Variants in TRABD2B observed in about 807,000 individuals in gnomAD.
TRABD2B encodes the protein metalloprotease TIKI2.
Under a neutral mutation model 40.1 loss-of-function variants are expected in TRABD2B, and 14 were observed. The observed-to-expected ratio is 0.35, with a 90% CI of 0.23 to 0.55. The LOEUF (loss-of-function observed/expected upper bound fraction) is 0.55. Ranked by LOEUF, TRABD2B falls within the 20% of genes least tolerant of loss-of-function variation. The pLI, the probability that TRABD2B is intolerant of heterozygous loss-of-function variation, is 0.90. For synonymous variants in TRABD2B, 263 were observed against 277.0 expected (o/e 0.95, Z 0.50); for missense variants, 541 against 648.6 (o/e 0.83, Z 1.80).
chr1:47,774,556 A>T (rs1233187452), intron 6 of TRABD2B, among the ~76,000 whole-genome samples: 1 of 152,208 alleles, frequency 6.6e-6, no homozygotes, highest in Non-Finnish European at 1.5e-5. Context: ...GGTGGGTGGT[A>T]GAGGTGGCAG....
chr1:47,776,505 C>T (rs1010286969), intron 5 of TRABD2B, among the ~76,000 whole-genome samples: 8 of 152,204 alleles, frequency 5.3e-5, no homozygotes, highest in Non-Finnish European at 1.2e-4. Flanking sequence ...CAGGCAGGCG[C>T]TAAAGTGTCA....
chr1:47,927,231 G>A (rs1421309065), intron 2 of TRABD2B, among the ~76,000 whole-genome samples: 1 of 152,240 alleles, frequency 6.6e-6, no homozygotes, highest in East Asian at 1.9e-4. Flanking sequence ...GGCTGGGTGT[G>A]CTGAGACCAC....
chr1:47,866,441 TTTCA>T (rs1644059248), intron 2 of TRABD2B, among the ~76,000 whole-genome samples: 1 of 152,152 alleles, frequency 6.6e-6, no homozygotes, highest in Non-Finnish European at 1.5e-5. Flanking sequence ...CCCTACCCTT[TTTCA>T]GAGGGTCACT....
intron 2 of TRABD2B, among the ~76,000 whole-genome samples, chr1:47,827,965 AG>A (rs1400872667): frequency 1.3e-5 from 2 of 152,166 alleles, no homozygotes; most frequent in Non-Finnish European, 2.9e-5. Flanking sequence ...AGGGGCATAA[AG>A]GGGTGGGAGT....
chr1:47,881,188 G>A (rs1644298645), intron 2 of TRABD2B, among the ~76,000 whole-genome samples: 1 of 152,192 alleles, frequency 6.6e-6, no homozygotes, highest in South Asian at 2.1e-4. Flanking sequence ...GGTGGTGGTG[G>A]TGGTGGGCCC....
chr1:47,894,087 G>T (rs1479933097), intron 2 of TRABD2B, among the ~76,000 whole-genome samples: 3 of 151,972 alleles, frequency 2.0e-5, no homozygotes, highest in Non-Finnish European at 4.4e-5. Flanking sequence ...CTATTATTGA[G>T]GGCTCGGCGC....
intron 2 of TRABD2B, among the ~76,000 whole-genome samples, chr1:47,899,110 A>G (rs4926671): frequency 0.023 from 3,561 of 152,314 alleles, 107 homozygotes; most frequent in Admixed American, 0.09. Context: ...CTCATCTTAC[A>G]TATCTTTCTG....
chr1:47,936,335 G>A (rs1645106282), intron 2 of TRABD2B, among the ~76,000 whole-genome samples: 1 of 152,188 alleles, frequency 6.6e-6, no homozygotes, highest in Non-Finnish European at 1.5e-5. Context: ...GGAAAGAGAT[G>A]GGTAAAATCT....
intron 2 of TRABD2B, among the ~76,000 whole-genome samples, chr1:47,989,307 G>A (rs183454715): frequency 1.4e-4 from 22 of 152,336 alleles, no homozygotes; most frequent in African/African-American, 5.3e-4. Flanking sequence ...GCTCCTTGCT[G>A]TGATTTATAC....
intron 2 of TRABD2B, among the ~76,000 whole-genome samples, chr1:47,908,148 CAGGAAGTTTCTGAAGAGTA>C (rs1432954432): frequency 6.6e-6 from 1 of 152,086 alleles, no homozygotes; most frequent in Non-Finnish European, 1.5e-5. Flanking sequence ...GAACTGAATA[CAGGAAGTTTCTGAAGAGTA>C]TGTATAATAA....
Position 47,985,910 on chromosome 1 carries a change from T to C in TRABD2B, c.666+8124A>G, listed in dbSNP as rs1273216351. 3.9e-5 allele frequency among the ~76,000 whole-genome samples: 6 copies of C among 152,176 alleles called. No homozygotes were observed. In the East Asian group the frequency reaches 9.7e-4, roughly 25 times the overall value. The stretch of plus-strand genomic sequence containing the variant: ...TAAGAGTTAGCCAGAAAATAAAAAC[T>C]GGGAAGGGGCTCCCAGGTAGAGGGA... On this transcript the variant is annotated intron_variant, in intron 2 of 6. Coordinates refer to ENST00000606738, the MANE Select transcript of TRABD2B (RefSeq NM_001194986.2).
intron 2 of TRABD2B, among the ~76,000 whole-genome samples, chr1:47,852,872 ATT>A (rs1226414928): frequency 3.9e-5 from 6 of 152,108 alleles, no homozygotes; most frequent in Non-Finnish European, 8.8e-5. Flanking sequence ...GTATATATAT[ATT>A]TTTGGTCATC....
chr1:47,832,106 G>A (rs768490687), intron 2 of TRABD2B, among the ~76,000 whole-genome samples: 4 of 152,172 alleles, frequency 2.6e-5, no homozygotes, highest in Admixed American at 6.5e-5. Flanking sequence ...GCCAAGGCGC[G>A]CGGATCACGA....
intron 2 of TRABD2B, among the ~76,000 whole-genome samples, chr1:47,889,025 G>A (rs1315193860): frequency 6.6e-6 from 1 of 152,208 alleles, no homozygotes; most frequent in African/African-American, 2.4e-5. Context: ...ACTCTCTGGA[G>A]TAATTTGTAT....
rs1330856468 is a variant in TRABD2B, at chr1:47,765,940, C to T, written c.1516G>A (p.Ala506Thr). The T allele has an allele frequency of 1.4e-5, 10 of 702,944 alleles. No individual in the cohort carries two copies. The highest frequency in any genetic ancestry group is 2.7e-5 in the East Asian group (1 of 37,254). The allele number at this position is 702,944 out of a possible 1,614,324, so 43.5% of individuals were successfully genotyped here. ...AGGCTATGCAGCAGGAAGCAGACAG[C>T]GATGGTGGTGGCGATGGCGGGGAGA... ...GLLPAIATTI[A>T]VCFLLHSLGP... Residue 506 changes from alanine (A) to threonine (T), a missense_variant, in exon 7 of 7, where the codon GCT becomes ACT. Physicochemically the swap from Ala to Thr is moderately conservative, Grantham distance 58. Around this residue, in one of 2 missense-constraint regions of TRABD2B, gnomAD observed 172 missense variants for 155.8 expected, o/e 1.10. Coordinates refer to ENST00000606738, the MANE Select transcript of TRABD2B (RefSeq NM_001194986.2).
chr1:47,795,170 A>G lies in TRABD2B; in HGVS notation c.814-410T>C, dbSNP rs146315827. ...TTTTATGAGGCCCCTACAGTGGGCT[A>G]CATGTTTTGTACATGTTTCTCATCA... On this transcript the variant is annotated intron_variant, in intron 3 of 6. Coordinates refer to ENST00000606738, the MANE Select transcript of TRABD2B (RefSeq NM_001194986.2). 1.0e-3 allele frequency among the ~76,000 whole-genome samples: 156 copies of G among 152,342 alleles called. 1 individual carries two copies. Among genetic ancestry groups the G allele is most frequent in the African/African-American group, 3.6e-3 (149 of 41,590 alleles).
chr1:47,778,297 T>C (rs1403891087), intron 5 of TRABD2B, among the ~76,000 whole-genome samples, 157 bp downstream of exon 5: 2 of 152,180 alleles, frequency 1.3e-5, no homozygotes, highest in Admixed American at 1.3e-4. Flanking sequence ...GCTCACCAGC[T>C]CCTTCCCAAT....
chr1:47,899,454 C>T (rs1644568762), intron 2 of TRABD2B, among the ~76,000 whole-genome samples: 1 of 152,212 alleles, frequency 6.6e-6, no homozygotes, highest in Non-Finnish European at 1.5e-5. Flanking sequence ...CCCTGCAAGG[C>T]CACTTGGACA....
chr1:47,911,908 C>A (rs1355867075), intron 2 of TRABD2B, among the ~76,000 whole-genome samples: 7 of 152,256 alleles, frequency 4.6e-5, no homozygotes, highest in African/African-American at 1.2e-4. Flanking sequence ...GGAAGCCCTG[C>A]CACACTGGGT....
Sources: allele counts gnomAD v4.1 joint callset (sites outside exome capture counted in the v4.1 genomes callset), GRCh38; gene constraint gnomAD v4.1.1; regional missense constraint gnomAD v4.1.1; transcripts MANE v1.5; gene names NCBI Gene and HGNC (gene_info 2026-07-23, HGNC 2026-07-21).